DDX60: variants seen among roughly 807,000 people sequenced by gnomAD.
DDX60 encodes probable ATP-dependent RNA helicase DDX60.
A neutral mutation model predicts 212.8 loss-of-function variants in DDX60; 165 were observed. That is an observed-to-expected ratio of 0.78 (90% confidence interval 0.68 to 0.88). The LOEUF is 0.88. Ranked by LOEUF, DDX60 falls within the 40% of genes least tolerant of loss-of-function variation. The pLI is 0.00. For missense variants in DDX60, 1,905 were observed against 2,003.9 expected (o/e 0.95, Z 0.94); for synonymous variants, 703 against 685.3 (o/e 1.03, Z -0.40).
chr4:168,325,285 A>G, the DDX60 span, among the ~76,000 whole-genome samples: 1 of 152,218 alleles, frequency 6.6e-6, no homozygotes, highest in Non-Finnish European at 1.5e-5. Flanking sequence ...AGAAAATTCA[A>G]TGCTACTTAT....
At chr4:168,278,764 G>T (rs992317242) in intron 14 of DDX60, among the ~76,000 whole-genome samples, 3 of 152,188 alleles carry the variant, frequency 2.0e-5, no homozygotes, top group Non-Finnish European at 4.4e-5. Context: ...AGGAGGCGGA[G>T]GTTGCAGTGA....
At position 168,225,394 on chromosome 4, in the gene DDX60, G is replaced by A. The variant is rs548801472; in HGVS notation, c.4681+135C>T. ...CTAATAAGCAAAATTTTTTTCTTTA[G>A]AAAGGAAAAGGAATCTCCTCACTTG... On this transcript the variant is annotated intron_variant, in intron 34 of 37. Coordinates refer to ENST00000393743, the MANE Select transcript of DDX60 (RefSeq NM_017631.6). 7 of 943,552 alleles carry A rather than the reference G, an allele frequency of 7.4e-6. No homozygotes were observed. In the African/African-American group the frequency reaches 1.0e-4, roughly 14 times the overall value. 58.4% of individuals were successfully genotyped at this position (943,552 alleles called of 1,614,324 possible).
At chr4:168,277,448 C>G (rs139199333) in intron 14 of DDX60, among the ~76,000 whole-genome samples, 141 of 152,296 alleles carry the variant, frequency 9.3e-4, no homozygotes, top group African/African-American at 3.2e-3. Flanking sequence ...CCTTGGGACC[C>G]TCTCTGAGAT....
At chr4:168,242,770 C>T (rs745427793) in intron 30 of DDX60, among the ~76,000 whole-genome samples, 4 of 152,030 alleles carry the variant, frequency 2.6e-5, no homozygotes, top group Non-Finnish European at 4.4e-5. Flanking sequence ...AGTTAAGACT[C>T]TGGGAGACTG....
chr4:168,283,435 A>G lies in DDX60; in HGVS notation c.1722+11T>C, dbSNP rs1735680946. On this transcript the variant is annotated intron_variant, in intron 13 of 37. Coordinates refer to ENST00000393743, the MANE Select transcript of DDX60 (RefSeq NM_017631.6). ...AAATTTTTTTAATTGGATAGAATTT[A>G]TAGAACCTACGTGTGCCTTTTTGCT... 1.2e-6 allele frequency: 2 copies of G among 1,608,446 alleles called. No homozygotes were observed. Among genetic ancestry groups the G allele is most frequent in the Non-Finnish European group, 1.7e-6 (2 of 1,177,718 alleles).
chr4:168,285,488 A>T lies in DDX60; in HGVS notation c.1350T>A (p.Asn450Lys). The change falls in exon 11 of 38, where the codon AAT becomes AAA. Residue 450 changes from asparagine to lysine, a missense_variant. Asn to Lys is a moderately conservative substitution (Grantham distance 94, BLOSUM62 0). Coordinates refer to ENST00000393743, the MANE Select transcript of DDX60 (RefSeq NM_017631.6). The part of the protein sequence containing the change: ...KKPSPIKDSS[N>K]EMVPNLGFIP... ...TAAAACCCAAATTGGGCACCATTTCATTGGAGCTGTCTGTAAACAAACAAA... is the reference window on the plus strand; with the variant it reads ...TAAAACCCAAATTGGGCACCATTTCTTTGGAGCTGTCTGTAAACAAACAAA... 6.2e-7 allele frequency: 1 copy of T among 1,608,446 alleles called. No individual in the cohort carries two copies. The highest frequency in any genetic ancestry group is 8.5e-7 in the Non-Finnish European group (1 of 1,177,684).
intron 34 of DDX60, among the ~76,000 whole-genome samples, chr4:168,224,784 C>T (rs1733190641): frequency 6.6e-6 from 1 of 151,892 alleles, no homozygotes; most frequent in Admixed American, 6.6e-5. Flanking sequence ...GGAAGTAGTG[C>T]ATGAGAATAA....
At chr4:168,261,107 G>C in intron 24 of DDX60, 118 bp from the exon 25 acceptor site, 1 of 1,085,556 alleles carries the variant, frequency 9.2e-7, no homozygotes, top group Non-Finnish European at 1.3e-6. Context: ...TTTTAAAATA[G>C]TCCTATGAAA....
intron 29 of DDX60, among the ~76,000 whole-genome samples, chr4:168,247,625 A>G (rs976741853): frequency 6.6e-6 from 1 of 152,210 alleles, no homozygotes; most frequent in Admixed American, 6.5e-5. Context: ...GTGGTAGAAT[A>G]AGGAGAATGG....
chr4:168,255,077 A>G (rs7660572), intron 26 of DDX60, among the ~76,000 whole-genome samples: 16,533 of 151,972 alleles, frequency 0.11, 2,037 homozygotes, highest in African/African-American at 0.3. Flanking sequence ...TCTCAAGTCC[A>G]AAAAAAACAC....
chr4:168,278,523 A>AGCAAGG (rs1735448725), intron 14 of DDX60, among the ~76,000 whole-genome samples: 1 of 152,220 alleles, frequency 6.6e-6, no homozygotes, highest in African/African-American at 2.4e-5. Flanking sequence ...GGACTGAAAA[A>AGCAAGG]TATAAAAAAT....
At chr4:168,247,879 A>G (rs3763962) in intron 29 of DDX60, among the ~76,000 whole-genome samples, 8,875 of 152,316 alleles carry the variant, frequency 0.058, 451 homozygotes, top group East Asian at 0.15. Context: ...TCTATCTTCC[A>G]TACAAATCAC....
chr4:168,283,067 C>A (rs992092643), intron 13 of DDX60, among the ~76,000 whole-genome samples: 1 of 152,068 alleles, frequency 6.6e-6, no homozygotes, highest in African/African-American at 2.4e-5. Context: ...TGTAAACACT[C>A]TTTATAATTT....
chr4:168,292,809 T>C (rs1451477115), intron 7 of DDX60, among the ~76,000 whole-genome samples: 1 of 152,146 alleles, frequency 6.6e-6, no homozygotes, highest in East Asian at 1.9e-4. Flanking sequence ...GAAGGCCAAA[T>C]AGAGTCTAAT....
intron 6 of DDX60, among the ~76,000 whole-genome samples, chr4:168,297,762 G>T (rs1482853002): frequency 6.6e-6 from 1 of 151,978 alleles, no homozygotes; most frequent in Non-Finnish European, 1.5e-5. Context: ...CAGGTGTGGT[G>T]GCACAGGCCT....
intron 12 of DDX60, 59 bp downstream of exon 12, chr4:168,284,758 TAAA>T (rs1735743983): frequency 1.2e-6 from 1 of 816,644 alleles, no homozygotes; most frequent in African/African-American, 1.7e-5. Flanking sequence ...TTTTCCACTA[TAAA>T]ATAAGAGGCA....
At chr4:168,228,230 T>C (rs996131971) in intron 33 of DDX60, among the ~76,000 whole-genome samples, 1 of 152,056 alleles carries the variant, frequency 6.6e-6, no homozygotes, top group African/African-American at 2.4e-5. Flanking sequence ...ACAGTAAAAA[T>C]ACAATATTAT....
intron 31 of DDX60, 39 bp downstream of exon 31, chr4:168,237,652 T>G (rs371974507): frequency 1.3e-6 from 2 of 1,511,330 alleles, no homozygotes; most frequent in Non-Finnish European, 1.8e-6. Flanking sequence ...TAGATAGTAG[T>G]AATGCTATTT....
chr4:168,225,528 C>T lies in DDX60; in HGVS notation c.4681+1G>A. ...CCACAATGGAGGTAAAATATACTTA[C>T]TGATTTTTGACAATGGGAGTTGATA... On this transcript the variant is annotated splice_donor_variant, in intron 34 of 37. Coordinates refer to ENST00000393743, the MANE Select transcript of DDX60 (RefSeq NM_017631.6). LOFTEE classifies it high-confidence loss of function. The T allele has an allele frequency of 4.4e-6, 7 of 1,602,548 alleles. No homozygotes were observed. Among genetic ancestry groups the T allele is most frequent in the East Asian group, 2.3e-5 (1 of 44,376 alleles).
Sources: allele counts gnomAD v4.1 joint callset (sites outside exome capture counted in the v4.1 genomes callset), GRCh38; gene constraint gnomAD v4.1.1; transcripts MANE v1.5; gene names NCBI Gene and HGNC (gene_info 2026-07-23, HGNC 2026-07-21).